FAM168A: variants seen among roughly 807,000 people sequenced by gnomAD.
FAM168A encodes protein FAM168A.
In FAM168A, 3 loss-of-function variants were observed where a neutral mutation model predicts 28.5. The observed-to-expected ratio is 0.11, with a 90% confidence interval of 0.05 to 0.27. FAM168A has a LOEUF of 0.27. Ranked by LOEUF, FAM168A falls within the 10% of genes least tolerant of loss-of-function variation. The pLI is 1.00. For synonymous variants in FAM168A, 122 were observed against 124.2 expected (o/e 0.98, Z 0.12); for missense variants, 222 against 311.5 (o/e 0.71, Z 2.16).
At chr11:73,474,920 A>G (rs932814103) in intron 1 of FAM168A, among the ~76,000 whole-genome samples, 6 of 152,210 alleles carry the variant, frequency 3.9e-5, no homozygotes, top group African/African-American at 1.4e-4. Flanking sequence ...TCCAATGCCC[A>G]GAGAAGCCTC....
chr11:73,460,239 C>T (rs1485965812), intron 2 of FAM168A, among the ~76,000 whole-genome samples: 1 of 152,156 alleles, frequency 6.6e-6, no homozygotes, highest in Non-Finnish European at 1.5e-5. Flanking sequence ...CACTGGCTAC[C>T]TGTCCCAGAC....
chr11:73,484,730 A>C (rs1868030176), intron 1 of FAM168A, among the ~76,000 whole-genome samples: 1 of 145,294 alleles, frequency 6.9e-6, no homozygotes, highest in African/African-American at 2.5e-5. Flanking sequence ...ATAGATATAT[A>C]TCGATATATA....
intron 1 of FAM168A, among the ~76,000 whole-genome samples, chr11:73,566,645 T>C (rs1424572002): frequency 6.6e-6 from 1 of 152,234 alleles, no homozygotes; most frequent in Non-Finnish European, 1.5e-5. Context: ...TGAGCCATCA[T>C]GATAAGAAAA....
intron 2 of FAM168A, among the ~76,000 whole-genome samples, chr11:73,432,061 CATA>C: frequency 6.6e-6 from 1 of 152,176 alleles, no homozygotes; most frequent in South Asian, 2.1e-4. Flanking sequence ...TTTCACTTAG[CATA>C]ATGTGTTTAA....
At chr11:73,584,100 G>A (rs1944280476) in intron 1 of FAM168A, among the ~76,000 whole-genome samples, 1 of 152,056 alleles carries the variant, frequency 6.6e-6, no homozygotes, top group African/African-American at 2.4e-5. Flanking sequence ...GGGGATTATG[G>A]AGAAATACTG....
intron 1 of FAM168A, chr11:73,510,912 A>G (rs7938391): frequency 0.17 from 45,931 of 263,680 alleles, 7,087 homozygotes; most frequent in African/African-American, 0.5. Context: ...TCAAAGCGGG[A>G]ATGGAAAAGT....
intron 5 of FAM168A, among the ~76,000 whole-genome samples, chr11:73,410,206 G>A (rs1000481875): frequency 1.3e-5 from 2 of 152,044 alleles, no homozygotes; most frequent in Admixed American, 6.6e-5. Context: ...AGGAGTTCGA[G>A]ACCAGCCCGA....
intron 4 of FAM168A, among the ~76,000 whole-genome samples, chr11:73,417,967 C>T (rs917054780): frequency 4.6e-5 from 7 of 152,074 alleles, no homozygotes; most frequent in Admixed American, 6.5e-5. Flanking sequence ...AGCTGGGTGG[C>T]GTTGGACCTA....
rs565559397 is a variant in FAM168A, at chr11:73,414,207, T to C, written c.278-2671A>G. ...TAAATTTCAGCCATGTTTTTTGTAA[T>C]TGAAGCTAGTTTTGGTAAACAAAGT... On this transcript the variant is annotated intron_variant, in intron 4 of 7. Transcript: ENST00000356467. 2.2e-4 allele frequency among the ~76,000 whole-genome samples: 33 copies of C among 152,370 alleles called. No individual in the cohort carries two copies. The South Asian group carries it at 6.8e-3, about 32-fold the overall frequency.
At chr11:73,479,432 G>C (rs1011240675) in intron 1 of FAM168A, among the ~76,000 whole-genome samples, 1 of 152,286 alleles carries the variant, frequency 6.6e-6, no homozygotes, top group East Asian at 1.9e-4. Flanking sequence ...GAATTCTACA[G>C]AGAGAGGAGG....
chr11:73,437,230 T>C (rs1590774414), intron 2 of FAM168A, among the ~76,000 whole-genome samples: 2 of 150,490 alleles, frequency 1.3e-5, no homozygotes, highest in East Asian at 4.0e-4. Flanking sequence ...CCCAAGCAGC[T>C]GGGATTACAG....
chr11:73,556,003 G>A (rs1331007472), intron 1 of FAM168A, among the ~76,000 whole-genome samples: 4 of 152,066 alleles, frequency 2.6e-5, no homozygotes, highest in African/African-American at 7.2e-5. Context: ...AAAGCAATGG[G>A]GCTGGTAAGC....
chr11:73,430,820 C>A (rs1866977750), intron 2 of FAM168A, 50 bp from the exon 3 acceptor site: 2 of 1,378,958 alleles, frequency 1.5e-6, no homozygotes, highest in Non-Finnish European at 2.0e-6. Flanking sequence ...AAAAACAAAA[C>A]AAAACAAAAC....
chr11:73,431,929 A>G (rs76709476), intron 2 of FAM168A, among the ~76,000 whole-genome samples: 2,866 of 152,288 alleles, frequency 0.019, 47 homozygotes, highest in Non-Finnish European at 0.03. Context: ...TTAACAATAC[A>G]TCCCCCAATA....
intron 1 of FAM168A, among the ~76,000 whole-genome samples, chr11:73,570,428 C>T (rs1384838466): frequency 2.6e-5 from 4 of 152,008 alleles, no homozygotes; most frequent in Non-Finnish European, 4.4e-5. Context: ...CAGTTTAGTA[C>T]AAGAAACATA....
chr11:73,572,043 C>A (rs532450155), intron 1 of FAM168A, among the ~76,000 whole-genome samples: 11,579 of 150,204 alleles, frequency 0.077, 519 homozygotes, highest in Non-Finnish European at 0.1. Flanking sequence ...AAGTGAGGAG[C>A]CCCTCCGCCC....
intron 3 of FAM168A, chr11:73,425,154 C>G (rs1041366038): frequency 2.8e-6 from 2 of 718,116 alleles, no homozygotes; most frequent in Admixed American, 3.3e-5. Context: ...AGTTTCCCCC[C>G]AGCTTCACAA....
intron 3 of FAM168A, among the ~76,000 whole-genome samples, chr11:73,423,436 A>G (rs1001363269): frequency 1.2e-4 from 19 of 152,324 alleles, no homozygotes; most frequent in African/African-American, 3.8e-4. Flanking sequence ...ATGCCCCACC[A>G]TGATCATCTT....
At chr11:73,520,796 C>T (rs1174798645) in intron 1 of FAM168A, among the ~76,000 whole-genome samples, 1 of 151,742 alleles carries the variant, frequency 6.6e-6, no homozygotes, top group African/African-American at 2.4e-5. Flanking sequence ...GGCTTTGTTC[C>T]TCTCTTATCA....
Sources: gnomAD v4.1 joint callset for allele counts (sites outside exome capture counted in the v4.1 genomes callset) on GRCh38, gnomAD v4.1.1 for gene constraint, MANE v1.5 for transcripts, NCBI Gene and HGNC (gene_info 2026-07-23, HGNC 2026-07-21) for gene names.